Variants in RERE observed in about 807,000 individuals in gnomAD.
RERE encodes arginine-glutamic acid dipeptide repeats protein.
RERE carries 40 observed loss-of-function variants against 146.1 expected under a neutral mutation model. The observed-to-expected ratio is 0.27, with a 90% confidence interval of 0.21 to 0.36. The LOEUF is 0.36. Ranked by LOEUF, RERE falls within the 10% of genes least tolerant of loss-of-function variation. RERE has a pLI of 1.00. For missense variants in RERE, 1,933 were observed against 2,138.7 expected (o/e 0.90, Z 1.90); for synonymous variants, 1,003 against 866.0 (o/e 1.16, Z -2.78).
At chr1:8,577,149 A>C (rs1465947023) in intron 4 of RERE, among the ~76,000 whole-genome samples, 1 of 151,838 alleles carries the variant, frequency 6.6e-6, no homozygotes, top group East Asian at 1.9e-4. Context: ...AGCCTGGGCG[A>C]CAGAGAGAGA....
chr1:8,773,780 C>T (rs925779724), intron 1 of RERE, among the ~76,000 whole-genome samples: 2 of 151,998 alleles, frequency 1.3e-5, no homozygotes, highest in East Asian at 1.9e-4. Context: ...GCTGAGATCG[C>T]GCCACTGCAC....
intron 1 of RERE, among the ~76,000 whole-genome samples, chr1:8,661,320 T>C (rs184524467): frequency 6.6e-6 from 1 of 151,264 alleles, no homozygotes; most frequent in Admixed American, 6.6e-5. Context: ...CAGAGATGAG[T>C]TCAGAGGTTG....
chr1:8,483,148 T>C (rs1221664600), intron 10 of RERE, among the ~76,000 whole-genome samples: 1 of 152,218 alleles, frequency 6.6e-6, no homozygotes, highest in Non-Finnish European at 1.5e-5. Flanking sequence ...CCCATTAGAC[T>C]TTCCAACAAC....
chr1:8,633,711 G>A (rs1647062963), intron 2 of RERE, among the ~76,000 whole-genome samples: 1 of 152,010 alleles, frequency 6.6e-6, no homozygotes, highest in Non-Finnish European at 1.5e-5. Context: ...TGGATCGTGT[G>A]AGCCCAGGAG....
intron 11 of RERE, among the ~76,000 whole-genome samples, chr1:8,432,649 A>T (rs781481637): frequency 2.0e-5 from 3 of 152,178 alleles, no homozygotes; most frequent in African/African-American, 7.2e-5. Context: ...GCAAGAGGTG[A>T]GTATTTCATG....
At chr1:8,709,668 CTTGT>C (rs992858989) in intron 1 of RERE, among the ~76,000 whole-genome samples, 1 of 152,184 alleles carries the variant, frequency 6.6e-6, no homozygotes, top group Non-Finnish European at 1.5e-5. Context: ...ACATCCCATT[CTTGT>C]TTATTACTGC....
chr1:8,695,587 T>TAAAA (rs34953565), intron 1 of RERE, among the ~76,000 whole-genome samples: 11 of 36,728 alleles, frequency 3.0e-4, no homozygotes, highest in Admixed American at 3.9e-4. Flanking sequence ...CCATTTCTAC[T>TAAAA]AAAAAAAAAA....
At chr1:8,640,274 CT>C (rs199981749) in intron 2 of RERE, among the ~76,000 whole-genome samples, 40 of 149,830 alleles carry the variant, frequency 2.7e-4, no homozygotes, top group East Asian at 1.7e-3. Flanking sequence ...CCCCTCCCAA[CT>C]TTTTTTTTTA....
chr1:8,626,549 T>C (rs1294263509), intron 2 of RERE, among the ~76,000 whole-genome samples: 1 of 152,142 alleles, frequency 6.6e-6, no homozygotes, highest in Admixed American at 6.5e-5. Flanking sequence ...AAACCACAAA[T>C]GACATCTCCA....
intron 8 of RERE, among the ~76,000 whole-genome samples, chr1:8,498,567 G>T (rs1645078080): frequency 1.3e-5 from 2 of 150,816 alleles, no homozygotes; most frequent in African/African-American, 4.9e-5. Context: ...GTGGTGGTAT[G>T]TGCCTGTAAT....
At chr1:8,605,771 A>AC (rs1344718275) in intron 4 of RERE, among the ~76,000 whole-genome samples, 16 of 138,226 alleles carry the variant, frequency 1.2e-4, no homozygotes, top group South Asian at 2.3e-4. Flanking sequence ...AAAAAAAAAA[A>AC]CCCCTAAAAA....
At chr1:8,552,831 G>A (rs574266551) in intron 6 of RERE, among the ~76,000 whole-genome samples, 48 of 152,092 alleles carry the variant, frequency 3.2e-4, no homozygotes, top group Non-Finnish European at 6.5e-4. Flanking sequence ...TGCACCATTA[G>A]GGAAGTGCGT....
intron 12 of RERE, among the ~76,000 whole-genome samples, chr1:8,383,852 C>CT (rs1455458546): frequency 7.1e-6 from 1 of 140,170 alleles, no homozygotes; most frequent in Non-Finnish European, 1.5e-5. Flanking sequence ...AAGTGAGACT[C>CT]TGTCTCAAAA....
chr1:8,485,642 T>C (rs1644889011), intron 10 of RERE, among the ~76,000 whole-genome samples: 2 of 152,002 alleles, frequency 1.3e-5, no homozygotes, highest in Admixed American at 6.6e-5. Context: ...AGAATATTAG[T>C]AGACACAAAA....
intron 12 of RERE, among the ~76,000 whole-genome samples, chr1:8,372,542 G>GTGTGTGTGTGTGTGTGTGTGTGTGTGTT: frequency 6.6e-6 from 1 of 150,766 alleles, no homozygotes; most frequent in South Asian, 2.1e-4. Flanking sequence ...GTGTGTGTGT[G>GTGTGTGTGTGTGTGTGTGTGTGTGTGTT]TTTTAAATTA....
chr1:8,557,945 G>A (rs1460198805), intron 4 of RERE, among the ~76,000 whole-genome samples: 1 of 152,088 alleles, frequency 6.6e-6, no homozygotes, highest in African/African-American at 2.4e-5. Context: ...AGGGCAATAA[G>A]GCTAGAAAGA....
chr1:8,649,476 T>G (rs563544946), intron 2 of RERE, among the ~76,000 whole-genome samples: 1 of 152,260 alleles, frequency 6.6e-6, no homozygotes, highest in East Asian at 1.9e-4. Flanking sequence ...TCACCTGTAA[T>G]CCCAGCAGTT....
At chr1:8,680,471 G>A (rs546763602) in intron 1 of RERE, among the ~76,000 whole-genome samples, 2 of 152,168 alleles carry the variant, frequency 1.3e-5, no homozygotes, top group South Asian at 4.1e-4. Context: ...TGAATGGAGA[G>A]GATTCCATAG....
chr1:8,730,462 C>T (rs1640057905), intron 1 of RERE, among the ~76,000 whole-genome samples: 1 of 152,164 alleles, frequency 6.6e-6, no homozygotes, highest in African/African-American at 2.4e-5. Context: ...CCTACCTCAG[C>T]CTCCCAAGTA....
Sources: allele counts gnomAD v4.1 joint callset (sites outside exome capture counted in the v4.1 genomes callset), GRCh38; gene constraint gnomAD v4.1.1; transcripts MANE v1.5; gene names NCBI Gene and HGNC (gene_info 2026-07-23, HGNC 2026-07-21).